SHC3: variants seen among roughly 807,000 people sequenced by gnomAD.
SHC3 encodes SHC adaptor protein 3.
Under a neutral mutation model 60.4 loss-of-function variants are expected in SHC3, and 15 were observed. The observed-to-expected ratio is 0.25, with a 90% confidence interval of 0.17 to 0.38. The LOEUF (loss-of-function observed/expected upper bound fraction) is 0.38. Among genes scored for constraint, SHC3 ranks in the 10% least tolerant of loss-of-function variants. The probability of loss-of-function intolerance (pLI) is 1.00; values close to 1 mark genes in which losing one functional copy is unlikely to be tolerated. For missense variants in SHC3, 677 were observed against 786.1 expected, an observed-to-expected ratio of 0.86 and a Z score of 1.66; for synonymous variants, 294 against 325.9, an observed-to-expected ratio of 0.90 and a Z score of 1.05.
chr9:89,045,229 G>A lies in SHC3; in HGVS notation c.1201+517C>T, dbSNP rs1163248341. 4.0e-5 allele frequency among the ~76,000 whole-genome samples: 6 copies of A among 151,796 alleles called. No individual in the cohort carries two copies. The East Asian group carries it at 9.6e-4, about 24-fold the overall frequency. The stretch of plus-strand genomic sequence containing the variant: ...ACGGGGTGTGAATGGTCCTGGAGCT[G>A]CAGGGAGGCACTATCTGATTGGTGC... On this transcript the variant is annotated intron_variant, in intron 9 of 11. Transcript: ENST00000375835.
chr9:89,071,603 G>A (rs11137505), intron 4 of SHC3, among the ~76,000 whole-genome samples: 6 of 151,682 alleles, frequency 4.0e-5, no homozygotes, highest in African/African-American at 9.7e-5. Context: ...ACACGGGGGC[G>A]TATAGAGCAC....
chr9:89,102,743 A>G (rs1212952164), intron 2 of SHC3, among the ~76,000 whole-genome samples: 1 of 152,208 alleles, frequency 6.6e-6, no homozygotes, highest in Admixed American at 6.5e-5. Context: ...CATTGGTGAG[A>G]AAAAAACATT....
chr9:89,132,709 G>A (rs1184232476), intron 1 of SHC3, among the ~76,000 whole-genome samples: 4 of 152,208 alleles, frequency 2.6e-5, no homozygotes, highest in Non-Finnish European at 5.9e-5. Context: ...CTAGCCACAT[G>A]TAGAAAGCTG....
intron 1 of SHC3, among the ~76,000 whole-genome samples, chr9:89,167,339 C>G (rs1165193713): frequency 6.6e-6 from 1 of 152,210 alleles, no homozygotes; most frequent in Non-Finnish European, 1.5e-5. Context: ...CACCTTCTTA[C>G]AAATAACAAT....
chr9:89,081,336 T>C (rs988719896), intron 2 of SHC3, among the ~76,000 whole-genome samples: 8 of 152,156 alleles, frequency 5.3e-5, no homozygotes, highest in Admixed American at 2.6e-4. Flanking sequence ...TACTCAACTT[T>C]AATGGTAACC....
At chr9:89,039,236 G>A (rs948633785) in intron 10 of SHC3, among the ~76,000 whole-genome samples, 4 of 152,190 alleles carry the variant, frequency 2.6e-5, no homozygotes, top group Non-Finnish European at 4.4e-5. Flanking sequence ...CACCCTCAGA[G>A]CCCAGCATTG....
intron 2 of SHC3, chr9:89,109,189 C>T: frequency 1.1e-6 from 1 of 938,084 alleles, no homozygotes; most frequent in Non-Finnish European, 1.3e-6. Flanking sequence ...GCACAATATG[C>T]ATTGTTTCCA....
chr9:89,104,521 T>G (rs1587729295), intron 2 of SHC3, among the ~76,000 whole-genome samples: 1 of 152,344 alleles, frequency 6.6e-6, no homozygotes, highest in South Asian at 2.1e-4. Flanking sequence ...CAAGTCAGAG[T>G]GCCCACAGAA....
At chr9:89,046,316 G>T (rs1192857213) in intron 8 of SHC3, among the ~76,000 whole-genome samples, 1 of 151,882 alleles carries the variant, frequency 6.6e-6, no homozygotes, top group African/African-American at 2.4e-5. Flanking sequence ...ATTTTTAGTG[G>T]TGTCATTATC....
chr9:89,125,849 C>G (rs1465036474), intron 1 of SHC3, among the ~76,000 whole-genome samples: 1 of 152,176 alleles, frequency 6.6e-6, no homozygotes, highest in Non-Finnish European at 1.5e-5. Flanking sequence ...GAATTATCTA[C>G]CCATTGTTCA....
chr9:89,051,085 G>A (rs999124731), intron 7 of SHC3, among the ~76,000 whole-genome samples: 3 of 151,852 alleles, frequency 2.0e-5, no homozygotes, highest in African/African-American at 7.3e-5. Flanking sequence ...TTTGAAGAAC[G>A]GCAAAGACTG....
intron 3 of SHC3, 44 bp from the exon 4 acceptor site, chr9:89,075,272 T>C (rs770979026): frequency 1.2e-6 from 2 of 1,604,636 alleles, no homozygotes; most frequent in African/African-American, 2.7e-5. Flanking sequence ...CATTTCCATC[T>C]CAAAGGGTGG....
chr9:89,045,807 G>A lies in SHC3; in HGVS notation c.1140C>T (p.Tyr380=), dbSNP rs770229269. ...AAGTGTCTCCTAAGTGTCTTCCCTG[G>A]TAATAAGTCTGCTCTTTTCCTGCAA... ...AQFAGKEQTY[Y]QGRHLGDTFG... Residue 380 remains tyrosine (Y), a synonymous_variant, in exon 9 of 12, where the codon TAC becomes TAT. Transcript: ENST00000375835. 1 of 1,614,064 alleles carries A rather than the reference G, an allele frequency of 6.2e-7. No individual in the cohort carries two copies. Among genetic ancestry groups the A allele is most frequent in the South Asian group, 1.1e-5 (1 of 91,068 alleles).
intron 8 of SHC3, among the ~76,000 whole-genome samples, chr9:89,046,158 T>C (rs1170271046): frequency 2.1e-5 from 3 of 145,706 alleles, no homozygotes; most frequent in African/African-American, 7.6e-5. Context: ...ACAGAGTATC[T>C]ATGTGTCAGA....
At chr9:89,065,505 T>C in intron 6 of SHC3, 24 bp downstream of exon 6, 1 of 1,613,402 alleles carries the variant, frequency 6.2e-7, no homozygotes, top group African/African-American at 1.3e-5. Context: ...AAACAAGAGA[T>C]TAAAGGGGTC....
intron 6 of SHC3, among the ~76,000 whole-genome samples, chr9:89,056,719 T>C (rs1282310708): frequency 1.3e-5 from 2 of 152,246 alleles, no homozygotes; most frequent in African/African-American, 4.8e-5. Context: ...ATCCTGCCCT[T>C]CCTCTGCTAT....
At chr9:89,114,532 G>A (rs1288287666) in intron 1 of SHC3, among the ~76,000 whole-genome samples, 1 of 151,998 alleles carries the variant, frequency 6.6e-6, no homozygotes, top group African/African-American at 2.4e-5. Flanking sequence ...ATCTAGAGAG[G>A]ATTCAAAGTA....
At chr9:89,065,935 G>A (rs1048103854) in intron 5 of SHC3, among the ~76,000 whole-genome samples, 4 of 152,282 alleles carry the variant, frequency 2.6e-5, no homozygotes, top group East Asian at 1.9e-4. Flanking sequence ...ATGTTGGATC[G>A]CCTGAGAAGC....
At position 89,178,524 on chromosome 9, in the gene SHC3, C is replaced by G. The variant is rs984683926; in HGVS notation, c.-64G>C. 8 of 1,376,260 alleles carry G rather than the reference C, an allele frequency of 5.8e-6. No homozygotes were observed. Among genetic ancestry groups the G allele is most frequent in the South Asian group, 1.7e-5 (1 of 59,894 alleles). The allele number at this position is 1,376,260 out of a possible 1,614,324, so 85.3% of individuals were successfully genotyped here. ...TGGTGCCGGCCCCGGCGCGGGCTGC[C>G]GCGCATAGCAGGCGAGCCACTGTCC... On this transcript the variant is annotated 5_prime_UTR_variant, in exon 1 of 12. Coordinates refer to ENST00000375835, the MANE Select transcript of SHC3 (RefSeq NM_016848.6). The surrounding 1 kb of genome is among the most constrained non-coding windows in gnomAD (Gnocchi z 6.9).
Sources: allele counts gnomAD v4.1 joint callset (sites outside exome capture counted in the v4.1 genomes callset), GRCh38; gene constraint gnomAD v4.1.1; non-coding constraint Gnocchi (gnomAD v3.1); transcripts MANE v1.5; gene names NCBI Gene and HGNC (gene_info 2026-07-23, HGNC 2026-07-21).